Variants in ZNF333 observed in about 807,000 individuals in gnomAD.
ZNF333 encodes zinc finger protein 333.
Under a neutral mutation model 76.1 loss-of-function variants are expected in ZNF333, and 61 were observed. That is an observed-to-expected ratio of 0.80 (90% CI 0.65 to 0.99). ZNF333 has a LOEUF of 0.99. Among genes scored for constraint, ZNF333 ranks in the 50% least tolerant of loss-of-function variants. The pLI, the probability that ZNF333 is intolerant of heterozygous loss-of-function variation, is 0.00. For synonymous variants in ZNF333, 284 were observed against 305.0 expected, an observed-to-expected ratio of 0.93 and a Z score of 0.72; for missense variants, 717 against 822.4, an observed-to-expected ratio of 0.87 and a Z score of 1.57.
chr19:14,717,722 G>T lies in ZNF333; in HGVS notation c.889G>T (p.Asp297Tyr). 1 of 1,614,000 alleles carries T rather than the reference G, an allele frequency of 6.2e-7. No individual in the cohort carries two copies. Among genetic ancestry groups the T allele is most frequent in the Non-Finnish European group, 8.5e-7 (1 of 1,179,892 alleles). The change falls in exon 11 of 12, where the codon GAT becomes TAT. Residue 297 changes from aspartate (D) to tyrosine (Y), a missense_variant. Asp to Tyr is a radical substitution (Grantham distance 160). Transcript: ENST00000292530. Reference protein sequence around the residue: ...QDTFTEILSIDVKGEQPQPGE... With the variant: ...QDTFTEILSIYVKGEQPQPGE... ...TACTTTTACAGAGATCCTGTCCATT[G>T]ATGTGAAAGGGGTAAGGCTCACCAG...
In ZNF333 at chr19:14,717,685, T is replaced by G; in HGVS notation, c.852T>G (p.Ile284Met). Reference sequence around the variant, plus strand: ...CTCAGTGTCAACCCCAAGAGGCAATTCCTAGCCAAGATACTTTTACAGAGA... The same window carrying G: ...CTCAGTGTCAACCCCAAGAGGCAATGCCTAGCCAAGATACTTTTACAGAGA... ...AEPQCQPQEAIPSQDTFTEIL... is the reference protein window; with the variant it reads ...AEPQCQPQEAMPSQDTFTEIL... Residue 284 changes from isoleucine to methionine, a missense_variant, in exon 11 of 12, where the codon ATT (isoleucine) becomes ATG (methionine). Physicochemically the swap from Ile to Met is conservative, Grantham distance 10. Transcript: ENST00000292530. The G allele has an allele frequency of 6.2e-7, 1 of 1,614,152 alleles. No individual in the cohort carries two copies. Among genetic ancestry groups the G allele is most frequent in the Non-Finnish European group, 8.5e-7 (1 of 1,180,004 alleles).
At position 14,719,520 on chromosome 19, in the gene ZNF333, A is replaced by G; in HGVS notation, c.*195A>G. Reference sequence around the variant, plus strand: ...GATTTTTCAAAACTAATATGTGGATATATTTTCATAGAGGTATAATGACTT... The same window carrying G: ...GATTTTTCAAAACTAATATGTGGATGTATTTTCATAGAGGTATAATGACTT... On this transcript the variant is annotated 3_prime_UTR_variant, in exon 12 of 12. Coordinates refer to ENST00000292530, the MANE Select transcript of ZNF333 (RefSeq NM_032433.4). 2 of 1,073,718 alleles carry G rather than the reference A, an allele frequency of 1.9e-6. No homozygotes were observed. The highest frequency in any genetic ancestry group is 2.6e-6 in the Non-Finnish European group (2 of 782,954). The allele number at this position is 1,073,718 out of a possible 1,614,324, so 66.5% of individuals were successfully genotyped here. A position where few individuals can be genotyped will look rare whatever the true frequency, so the allele number is the denominator to read the frequency against.
rs1568559331 is a variant in ZNF333 at position 14,719,345 on chromosome 19, TAAACAC to T, written c.*22_*27del. On this transcript the variant is annotated 3_prime_UTR_variant, in exon 12 of 12. Coordinates refer to ENST00000292530, the MANE Select transcript of ZNF333 (RefSeq NM_032433.4). ...AATTAACTTCCATTTTGTAAAAATATAAACACATGGGGCTATGACTTTCCCTCGTAA... is the reference window on the plus strand; with the variant it reads ...AATTAACTTCCATTTTGTAAAAATATATGGGGCTATGACTTTCCCTCGTAA... 6.3e-7 allele frequency: 1 copy of T among 1,582,964 alleles called. No individual in the cohort carries two copies. The highest frequency in any genetic ancestry group is 1.8e-5 in the Admixed American group (1 of 55,316).
rs532791058 is a variant in ZNF333, at chr19:14,702,832, C to T, written c.307-2222C>T. ...CCTCAGGAAACTTACAACATGGCGG[C>T]AGGGGACGCAAACACATCCTTCACA... On this transcript the variant is annotated intron_variant, in intron 5 of 11. Transcript: ENST00000292530. Among the ~76,000 whole-genome samples, 5 of 152,248 alleles carry T rather than the reference C, an allele frequency of 3.3e-5. No homozygotes were observed. The South Asian group carries it at 1.0e-3, about 32-fold the overall frequency.
chr19:14,692,844 A>G (rs1224526356), intron 1 of ZNF333, among the ~76,000 whole-genome samples: 2 of 147,162 alleles, frequency 1.4e-5, no homozygotes, highest in Non-Finnish European at 3.0e-5. Context: ...TTTTCTTGAC[A>G]TGGAGTCTTA....
Position 14,691,676 on chromosome 19 carries a change from C to CTT in ZNF333, c.-42+1543_-42+1544dup, listed in dbSNP as rs71166784. 8.6e-3 allele frequency among the ~76,000 whole-genome samples: 1,052 copies of CTT among 121,946 alleles called. 65 individuals are homozygous for CTT. The highest frequency in any genetic ancestry group is 0.028 in the African/African-American group (902 of 31,828). The allele number at this position is 121,946 out of a possible 152,430, so 80.0% of individuals were successfully genotyped here. On this transcript the variant is annotated intron_variant, in intron 1 of 11. Transcript: ENST00000292530. ...TTTGATTTTTATGGTGTCATATTGT[C>CTT]TTTTTTTTTTTTTTTTTTGAGACAG...
At chr19:14,707,240 TA>T (rs34492314) in intron 7 of ZNF333, 72 of 116,710 alleles carry the variant, frequency 6.2e-4, no homozygotes, top group Admixed American at 1.1e-3. Context: ...CCCCTATTTC[TA>T]AAAAAAAAAA....
At chr19:14,705,220 G>C (rs761595848) in intron 6 of ZNF333, 50 bp downstream of exon 6, 8 of 1,550,756 alleles carry the variant, frequency 5.2e-6, no homozygotes, top group Non-Finnish European at 7.1e-6. Context: ...AGTCAGGAAG[G>C]CCTGGGGTGT....
intron 11 of ZNF333, 80 bp downstream of exon 11, chr19:14,717,813 A>G: frequency 7.2e-7 from 1 of 1,387,100 alleles, no homozygotes; most frequent in Non-Finnish European, 1.0e-6. Context: ...AAAGCAGCCC[A>G]AGAGCCAAGA....
intron 11 of ZNF333, among the ~76,000 whole-genome samples, chr19:14,728,145 G>A (rs138997960): frequency 0.013 from 1,917 of 152,290 alleles, 20 homozygotes; most frequent in Non-Finnish European, 0.018. Context: ...CCTGGGAAGC[G>A]GAGCTTGCAG....
intron 1 of ZNF333, among the ~76,000 whole-genome samples, chr19:14,692,899 T>C (rs1353743631): frequency 1.3e-5 from 2 of 151,666 alleles, no homozygotes; most frequent in African/African-American, 4.9e-5. Flanking sequence ...CTCAGTTCAC[T>C]GTAACCTCCG....
At position 14,719,811 on chromosome 19, in the gene ZNF333, C is replaced by T. The variant is rs2042549931; in HGVS notation, c.*486C>T. 1 of 986,872 alleles carries T rather than the reference C, an allele frequency of 1.0e-6. No homozygotes were observed. The highest frequency in any genetic ancestry group is 1.2e-6 in the Non-Finnish European group (1 of 831,052). The allele number at this position is 986,872 out of a possible 1,614,324, so 61.1% of individuals were successfully genotyped here. On this transcript the variant is annotated 3_prime_UTR_variant, in exon 12 of 12. Transcript: ENST00000292530. ...GGTCTGGTGTGGCTTATTCTTCTAGCTGCCAACCCAAATTACCCCTTCCTC... is the reference window on the plus strand; with the variant it reads ...GGTCTGGTGTGGCTTATTCTTCTAGTTGCCAACCCAAATTACCCCTTCCTC...
chr19:14,731,271 G>C, exon 12 of ZNF333: 1 of 1,333,992 alleles, frequency 7.5e-7, no homozygotes, highest in Non-Finnish European at 1.0e-6. Flanking sequence ...ATCACTACTG[G>C]GGCTTGAAGA....
intron 1 of ZNF333, among the ~76,000 whole-genome samples, chr19:14,692,952 G>A (rs963720138): frequency 4.7e-5 from 7 of 149,796 alleles, no homozygotes; most frequent in African/African-American, 1.2e-4. Context: ...CCTCCCTCCC[G>A]AGCAGCTGGG....
intron 7 of ZNF333, 96 bp downstream of exon 7, chr19:14,706,869 G>A (rs2042125826): frequency 9.6e-7 from 1 of 1,043,648 alleles, no homozygotes; most frequent in South Asian, 1.5e-5. Context: ...CATTTCCTCT[G>A]ACTGCAGGCA....
chr19:14,716,045 C>A, intron 8 of ZNF333, 67 bp from the exon 9 acceptor site: 1 of 1,600,350 alleles, frequency 6.2e-7, no homozygotes, highest in Non-Finnish European at 8.5e-7. Context: ...GCTTGCCAGC[C>A]TCCAGCATCC....
chr19:14,716,964 G>A lies in ZNF333; in HGVS notation c.728-30G>A, dbSNP rs372037774. ...GGTGTCAGGGCATGGCACAGTCCTCGCACAACATGTGTTTTTTTCTCATGA... is the reference window on the plus strand; with the variant it reads ...GGTGTCAGGGCATGGCACAGTCCTCACACAACATGTGTTTTTTTCTCATGA... On this transcript the variant is annotated intron_variant, in intron 9 of 11. Coordinates refer to ENST00000292530, the MANE Select transcript of ZNF333 (RefSeq NM_032433.4). 497 of 1,587,140 alleles carry A rather than the reference G, an allele frequency of 3.1e-4. 10 individuals are homozygous for A. The South Asian group carries it at 5.2e-3, about 17-fold the overall frequency.
intron 4 of ZNF333, among the ~76,000 whole-genome samples, chr19:14,696,636 A>G (rs936312590): frequency 6.6e-6 from 1 of 151,786 alleles, no homozygotes; most frequent in African/African-American, 2.4e-5. Flanking sequence ...AGAGAACAAG[A>G]GAGGCCCAGA....
chr19:14,716,357 C>T (rs990870896), intron 9 of ZNF333, 119 bp downstream of exon 9: 2 of 1,200,632 alleles, frequency 1.7e-6, no homozygotes, highest in Non-Finnish European at 2.3e-6. Context: ...TTCCTGGGCT[C>T]AGGTGATCCT....
Sources: gnomAD v4.1 joint callset for allele counts (sites outside exome capture counted in the v4.1 genomes callset) on GRCh38, gnomAD v4.1.1 for gene constraint, MANE v1.5 for transcripts, NCBI Gene and HGNC (gene_info 2026-07-23, HGNC 2026-07-21) for gene names.